Variants in SEPTIN7 observed in about 807,000 individuals in gnomAD.
The protein encoded by SEPTIN7 is septin-7.
A neutral mutation model predicts 63.3 loss-of-function variants in SEPTIN7; 10 were observed. That is an observed-to-expected ratio of 0.16 (90% CI 0.10 to 0.27). The LOEUF is 0.27. Among genes scored for constraint, SEPTIN7 ranks in the 10% least tolerant of loss-of-function variants. The pLI is 1.00. For missense variants in SEPTIN7, 310 were observed against 521.0 expected (o/e 0.59, Z 3.94); for synonymous variants, 131 against 165.3 (o/e 0.79, Z 1.59).
chr7:35,828,193 C>T (rs1195320048), intron 1 of SEPTIN7, among the ~76,000 whole-genome samples: 1 of 152,140 alleles, frequency 6.6e-6, no homozygotes, highest in African/African-American at 2.4e-5. Context: ...TGAGACTGCT[C>T]TTATTTTTTA....
At chr7:35,831,374 C>T (rs1783825131) in intron 1 of SEPTIN7, 118 bp from the exon 2 acceptor site, 2 of 289,194 alleles carry the variant, frequency 6.9e-6, no homozygotes, top group Admixed American at 5.1e-5. Context: ...ATTTGCCTCT[C>T]CTGTTTGGAC....
chr7:35,913,618 C>G, the SEPTIN7 span, among the ~76,000 whole-genome samples: 2 of 149,072 alleles, frequency 1.3e-5, no homozygotes, highest in African/African-American at 4.9e-5. Context: ...CTTCCTTTCT[C>G]TCAACTCCAG....
chr7:35,883,228 T>A lies in SEPTIN7; in HGVS notation c.723+652T>A, dbSNP rs191522100. The stretch of plus-strand genomic sequence containing the variant: ...CCAACCAAAAATTCACATCAACATA[T>A]TTTCTGTATTTTATCATGGTTTTCT... On this transcript the variant is annotated intron_variant, in intron 8 of 13. Transcript: ENST00000350320. Among the ~76,000 whole-genome samples, 8 of 152,230 alleles carry A rather than the reference T, an allele frequency of 5.3e-5. No homozygotes were observed. The East Asian group carries it at 1.5e-3, about 29-fold the overall frequency.
chr7:35,845,893 GC>G (rs1184213238), intron 3 of SEPTIN7, among the ~76,000 whole-genome samples: 2 of 151,688 alleles, frequency 1.3e-5, no homozygotes, highest in Non-Finnish European at 2.9e-5. Context: ...GTGGATGTTT[GC>G]CTTTGTTGTT....
At chr7:35,832,980 C>A in intron 3 of SEPTIN7, 80 bp downstream of exon 3, 1 of 810,530 alleles carries the variant, frequency 1.2e-6, no homozygotes. Flanking sequence ...TTTAAGAAAA[C>A]ACTGGCACAG....
chr7:35,805,316 G>A (rs1583476095), intron 1 of SEPTIN7, among the ~76,000 whole-genome samples: 1 of 152,122 alleles, frequency 6.6e-6, no homozygotes, highest in African/African-American at 2.4e-5. Flanking sequence ...AATGTCCATT[G>A]TTGACCAAAC....
Position 35,906,192 on chromosome 7 carries a change from A to G in SEPTIN7, c.*1899A>G, listed in dbSNP as rs1213859053. 1 of 152,206 alleles carries G rather than the reference A, an allele frequency of 6.6e-6. No homozygotes were observed. Among genetic ancestry groups the G allele is most frequent in the African/African-American group, 2.4e-5 (1 of 41,448 alleles). 9.4% of individuals were successfully genotyped at this position (152,206 alleles called of 1,614,324 possible). A position where few individuals can be genotyped will look rare whatever the true frequency, so the allele number is the denominator to read the frequency against. ...AGTACTACTGCTTCTGGGAAATACTATTTCAAAATTCTATGTATTATAATA... is the reference window on the plus strand; with the variant it reads ...AGTACTACTGCTTCTGGGAAATACTGTTTCAAAATTCTATGTATTATAATA... On this transcript the variant is annotated 3_prime_UTR_variant, in exon 14 of 14. Coordinates refer to ENST00000350320, the MANE Select transcript of SEPTIN7 (RefSeq NM_001788.6).
At chr7:35,897,390 G>C (rs1788017276) in intron 11 of SEPTIN7, among the ~76,000 whole-genome samples, 1 of 152,118 alleles carries the variant, frequency 6.6e-6, no homozygotes. Flanking sequence ...TTGTGTCTCT[G>C]TGTAAGTATA....
intron 10 of SEPTIN7, 132 bp downstream of exon 10, chr7:35,886,011 A>C (rs1787218942): frequency 1.6e-6 from 1 of 636,436 alleles, no homozygotes; most frequent in Non-Finnish European, 2.7e-6. Context: ...TGAAGTAAAC[A>C]CTACATATAG....
chr7:35,876,439 A>G (rs890926974), intron 6 of SEPTIN7, among the ~76,000 whole-genome samples: 7 of 152,262 alleles, frequency 4.6e-5, no homozygotes, highest in African/African-American at 9.6e-5. Flanking sequence ...TTGAAAAACC[A>G]TAACAATTTA....
At chr7:35,831,933 A>G (rs1479064898) in intron 2 of SEPTIN7, 4 of 301,852 alleles carry the variant, frequency 1.3e-5, no homozygotes, top group East Asian at 1.0e-4. Flanking sequence ...TCTTTTTGCT[A>G]TTTTTTAATG....
intron 6 of SEPTIN7, chr7:35,874,117 C>T (rs1015782497): frequency 5.7e-6 from 1 of 176,852 alleles, no homozygotes; most frequent in Admixed American, 6.3e-5. Flanking sequence ...GCAGCCATAC[C>T]AGTTAGACAT....
intron 4 of SEPTIN7, among the ~76,000 whole-genome samples, chr7:35,868,988 GCATGAGA>G (rs1376416409): frequency 2.0e-5 from 3 of 152,160 alleles, no homozygotes; most frequent in Non-Finnish European, 1.5e-5. Flanking sequence ...AATGGGAGAG[GCATGAGA>G]CTAAGGAGCA....
At chr7:35,897,005 T>C (rs958467264) in intron 11 of SEPTIN7, among the ~76,000 whole-genome samples, 1 of 152,210 alleles carries the variant, frequency 6.6e-6, no homozygotes. Flanking sequence ...AGAAAATTGC[T>C]GTGATGGTCA....
chr7:35,910,992 C>T (rs1788731237), downstream of SEPTIN7, among the ~76,000 whole-genome samples: 1 of 152,188 alleles, frequency 6.6e-6, no homozygotes, highest in Non-Finnish European at 1.5e-5. Context: ...TTATCATGAA[C>T]CAGATGCCAA....
intron 8 of SEPTIN7, among the ~76,000 whole-genome samples, chr7:35,882,965 G>T (rs991911604): frequency 6.6e-6 from 1 of 152,066 alleles, no homozygotes; most frequent in Non-Finnish European, 1.5e-5. Context: ...TAGATAGGAG[G>T]AGTAAGTTCT....
rs114854959 is a variant in SEPTIN7, at chr7:35,866,155, C to A, written c.276+2497C>A. ...TAGAAGTCCTCTTTCCTGATTGAACCATGGAGGTGTATTCTTTTATATACT... is the reference window on the plus strand; with the variant it reads ...TAGAAGTCCTCTTTCCTGATTGAACAATGGAGGTGTATTCTTTTATATACT... On this transcript the variant is annotated intron_variant, in intron 4 of 13. Coordinates refer to ENST00000350320, the MANE Select transcript of SEPTIN7 (RefSeq NM_001788.6). Among the ~76,000 whole-genome samples, 404 of 152,222 alleles carry A rather than the reference C, an allele frequency of 2.7e-3. 2 individuals carry two copies. The highest frequency in any genetic ancestry group is 9.3e-3 in the African/African-American group (387 of 41,528).
At position 35,807,277 on chromosome 7, in the gene SEPTIN7, C is replaced by T. The variant is rs554128786; in HGVS notation, c.61+6007C>T. On this transcript the variant is annotated intron_variant, in intron 1 of 13. Transcript: ENST00000350320. ...TCAGCCACCGCAGCCTCCGCCTCCC[C>T]GGTTCAAGTGATTCTCCTGCCTCAG... Among the ~76,000 whole-genome samples the T allele has an allele frequency of 2.6e-4, 39 of 151,570 alleles. No individual in the cohort carries two copies. The South Asian group carries it at 2.7e-3, about 11-fold the overall frequency.
intron 6 of SEPTIN7, among the ~76,000 whole-genome samples, chr7:35,877,955 C>CAT (rs917165902): frequency 2.6e-5 from 4 of 152,146 alleles, no homozygotes; most frequent in Non-Finnish European, 1.5e-5. Context: ...AATCATCTAA[C>CAT]ATAAAACCTA....
Sources: allele counts gnomAD v4.1 joint callset (sites outside exome capture counted in the v4.1 genomes callset), GRCh38; gene constraint gnomAD v4.1.1; transcripts MANE v1.5; gene names NCBI Gene and HGNC (gene_info 2026-07-23, HGNC 2026-07-21).